The following HERC2 variants were observed in gnomAD, a reference collection of about 807,000 sequenced individuals.
The protein encoded by HERC2 is HECT and RLD domain containing E3 ubiquitin protein ligase 2, also known as E3 ubiquitin-protein ligase HERC2.
HERC2 carries 102 observed loss-of-function variants against 537.7 expected under a neutral mutation model. The observed-to-expected ratio is 0.19, with a 90% CI of 0.16 to 0.22. The LOEUF is 0.22. HERC2 is among the 10% of genes least tolerant of loss of function. The probability of loss-of-function intolerance (pLI) is 1.00; values close to 1 mark genes in which losing one functional copy is unlikely to be tolerated. For synonymous variants in HERC2, 2,224 were observed against 2,466.2 expected (o/e 0.90, Z 2.91); for missense variants, 4,236 against 6,198.2 (o/e 0.68, Z 10.63).
chr15:28,175,855 T>A (rs368805162), intron 63 of HERC2, among the ~76,000 whole-genome samples, 199 bp from the exon 64 acceptor site: 17 of 151,116 alleles, frequency 1.1e-4, no homozygotes, highest in East Asian at 7.7e-4. Context: ...AAAACCTTAA[T>A]ACCTTAATAC....
intron 2 of HERC2, chr15:28,315,772 C>G (rs2077065902): frequency 7.0e-7 from 1 of 1,438,346 alleles, no homozygotes; most frequent in South Asian, 1.2e-5. Context: ...TCCAAGTAAA[C>G]CGCTAGCTTG....
intron 6 of HERC2, 33 bp from the exon 7 acceptor site, chr15:28,274,480 C>A (rs187234399): frequency 9.6e-6 from 15 of 1,564,894 alleles, no homozygotes; most frequent in Admixed American, 3.7e-5. Context: ...GGAGCCCCCC[C>A]ACTCCCCTCA....
chr15:28,215,008 G>C (rs779875809), intron 39 of HERC2, among the ~76,000 whole-genome samples: 20 of 152,102 alleles, frequency 1.3e-4, no homozygotes, highest in Non-Finnish European at 2.6e-4. Context: ...CTGAGTAGCA[G>C]GGATTACAGG....
intron 70 of HERC2, among the ~76,000 whole-genome samples, chr15:28,149,003 C>T (rs143465745): frequency 4.6e-5 from 7 of 151,376 alleles, no homozygotes; most frequent in Admixed American, 4.0e-4. Context: ...GGCTCCTAAC[C>T]GAGAACATCA....
chr15:28,308,743 A>G (rs1038522495), intron 2 of HERC2, among the ~76,000 whole-genome samples: 5 of 152,298 alleles, frequency 3.3e-5, no homozygotes, highest in Non-Finnish European at 2.9e-5. Flanking sequence ...CAGTTTTAAG[A>G]GATTTTATCA....
In HERC2 at chr15:28,168,253, G is replaced by C. The variant is rs543389017; in HGVS notation, c.10413+154C>G. 2.0e-5 allele frequency among the ~76,000 whole-genome samples: 3 copies of C among 152,214 alleles called. No individual in the cohort carries two copies. In the East Asian group the frequency reaches 5.8e-4, roughly 29 times the overall value. On this transcript the variant is annotated intron_variant, in intron 67 of 92. Coordinates refer to ENST00000261609, the MANE Select transcript of HERC2 (RefSeq NM_004667.6). The stretch of plus-strand genomic sequence containing the variant: ...CCAATTCCACTTAAGCACTTTAAAA[G>C]CTCCTTTACAGAGAATATTCTTCTA...
chr15:28,132,689 C>A lies in HERC2; in HGVS notation c.12372G>T (p.Gly4124=). 6.3e-7 allele frequency: 1 copy of A among 1,584,790 alleles called. No individual in the cohort carries two copies. Among genetic ancestry groups the A allele is most frequent in the Non-Finnish European group, 8.6e-7 (1 of 1,165,226 alleles). ...TWGKGRYGRL[G]HSDSEDQLKP... is the part of the protein sequence containing the mutation. Reference sequence around the variant, plus strand: ...TCAGCTGGTCCTCACTGTCGCTGTGCCCCAGCCGGCCGTAGCGGCCTTTGC... The same window carrying A: ...TCAGCTGGTCCTCACTGTCGCTGTGACCCAGCCGGCCGTAGCGGCCTTTGC... The change falls in exon 80 of 93, where the codon GGG becomes GGT. Residue 4124 remains glycine, a synonymous_variant. Transcript: ENST00000261609.
chr15:28,306,334 T>C (rs1195726609), intron 2 of HERC2, among the ~76,000 whole-genome samples: 2 of 152,166 alleles, frequency 1.3e-5, no homozygotes, highest in African/African-American at 4.8e-5. Context: ...GATCATATGG[T>C]TTTTTATCCT....
At chr15:28,181,008 T>C (rs192649056) in intron 57 of HERC2, among the ~76,000 whole-genome samples, 5 of 152,200 alleles carry the variant, frequency 3.3e-5, no homozygotes, top group Admixed American at 1.3e-4. Context: ...ATGCATATAA[T>C]GTAAAGATAA....
intron 48 of HERC2, among the ~76,000 whole-genome samples, chr15:28,199,623 C>T (rs527812191): frequency 3.9e-5 from 6 of 152,226 alleles, no homozygotes; most frequent in Admixed American, 3.3e-4. Flanking sequence ...TAGATGATGA[C>T]GCTAATGCCT....
Position 28,207,009 on chromosome 15 carries a change from C to T in HERC2, c.7070-627G>A, listed in dbSNP as rs1011403929. The stretch of plus-strand genomic sequence containing the variant: ...CTGGTGACAGAGCGAGACTCCATCT[C>T]AAAACAAAAAAAAAAAAACTAGACT... On this transcript the variant is annotated intron_variant, in intron 44 of 92. Coordinates refer to ENST00000261609, the MANE Select transcript of HERC2 (RefSeq NM_004667.6). Among the ~76,000 whole-genome samples the T allele has an allele frequency of 6.8e-4, 99 of 146,214 alleles. 1 individual carries two copies. The highest frequency in any genetic ancestry group is 2.4e-3 in the African/African-American group (96 of 39,860).
At chr15:28,149,490 T>G (rs1485694853) in intron 70 of HERC2, among the ~76,000 whole-genome samples, 1 of 146,658 alleles carries the variant, frequency 6.8e-6, no homozygotes, top group Non-Finnish European at 1.5e-5. Context: ...CCAACATACA[T>G]TCCAGTAACA....
chr15:28,186,830 G>T, intron 55 of HERC2, 78 bp from the exon 56 acceptor site: 1 of 1,037,404 alleles, frequency 9.6e-7, no homozygotes, highest in Non-Finnish European at 1.5e-6. Context: ...CGGGATGTGT[G>T]AGACACGAAC....
intron 21 of HERC2, among the ~76,000 whole-genome samples, 174 bp downstream of exon 21, chr15:28,248,378 G>A (rs573762412): frequency 1.1e-4 from 17 of 152,112 alleles, no homozygotes; most frequent in Non-Finnish European, 1.8e-4. Flanking sequence ...ATATTAACGA[G>A]GCTATTATAG....
chr15:28,214,896 A>G, intron 39 of HERC2, 94 bp from the exon 40 acceptor site: 1 of 1,066,128 alleles, frequency 9.4e-7, no homozygotes, highest in Admixed American at 2.3e-5. Context: ...TTTTTGAGAC[A>G]GAGTCTCACA....
At chr15:28,126,414 G>A (rs1889491303) in intron 83 of HERC2, among the ~76,000 whole-genome samples, 1 of 152,052 alleles carries the variant, frequency 6.6e-6, no homozygotes, top group Non-Finnish European at 1.5e-5. Context: ...GTCATTATTT[G>A]AAAAAACACT....
At chr15:28,117,229 G>A in intron 86 of HERC2, 75 bp from the exon 87 acceptor site, 2 of 1,447,046 alleles carry the variant, frequency 1.4e-6, no homozygotes, top group Non-Finnish European at 1.9e-6. Context: ...ATGCGGCACT[G>A]GCGAATGCAC....
chr15:28,145,046 G>A (rs1373017262), intron 71 of HERC2, among the ~76,000 whole-genome samples: 1 of 152,242 alleles, frequency 6.6e-6, no homozygotes, highest in Non-Finnish European at 1.5e-5. Context: ...ACTGCGGCAG[G>A]CGGGCAGACA....
intron 2 of HERC2, among the ~76,000 whole-genome samples, chr15:28,304,404 G>A (rs1309520724): frequency 2.9e-5 from 4 of 139,054 alleles, no homozygotes. Flanking sequence ...GTCTTGCTCT[G>A]TAGCCCAGGC....
Sources: allele counts gnomAD v4.1 joint callset (sites outside exome capture counted in the v4.1 genomes callset), GRCh38; gene constraint gnomAD v4.1.1; transcripts MANE v1.5; gene names NCBI Gene and HGNC (gene_info 2026-07-23, HGNC 2026-07-21).